The following ZP3 variants were observed in gnomAD, a reference collection of about 807,000 sequenced individuals.
ZP3 encodes the protein zona pellucida sperm-binding protein 3.
Under a neutral mutation model 35.6 loss-of-function variants are expected in ZP3, and 21 were observed. That is an observed-to-expected ratio of 0.59 (90% CI 0.42 to 0.85). The LOEUF is 0.85. Among genes scored for constraint, ZP3 ranks in the 40% least tolerant of loss-of-function variants. The pLI is 0.00. For synonymous variants in ZP3, 207 were observed against 214.5 expected (o/e 0.96, Z 0.31); for missense variants, 437 against 536.5 (o/e 0.81, Z 1.83).
intron 5 of ZP3, among the ~76,000 whole-genome samples, chr7:76,437,508 G>T (rs1268652294): frequency 2.7e-5 from 4 of 146,098 alleles, no homozygotes; most frequent in African/African-American, 2.5e-5. Flanking sequence ...GGGGGGAAAT[G>T]GAGTGTCACT....
intron 1 of ZP3, chr7:76,400,584 CCTCAGCTCTGTGAAGAGGGT>C: frequency 6.8e-7 from 1 of 1,472,152 alleles, no homozygotes. Flanking sequence ...CCCCCACCAG[CCTCAGCTCTGTGAAGAGGGT>C]GGAGCTGGCA....
At chr7:76,419,322 C>A (rs1805450272) in intron 1 of ZP3, among the ~76,000 whole-genome samples, 1 of 152,122 alleles carries the variant, frequency 6.6e-6, no homozygotes, top group Admixed American at 6.6e-5. Flanking sequence ...TTGTTCTTTC[C>A]CATTCAGATC....
chr7:76,437,217 C>A (rs1232098885), intron 5 of ZP3, among the ~76,000 whole-genome samples: 102 of 143,726 alleles, frequency 7.1e-4, no homozygotes, highest in Non-Finnish European at 1.1e-3. Flanking sequence ...GCTCTGTCAC[C>A]CAGGCTGGAA....
intron 1 of ZP3, chr7:76,400,403 T>C: frequency 6.2e-7 from 1 of 1,601,594 alleles, no homozygotes; most frequent in Non-Finnish European, 8.5e-7. Context: ...TCCAGCAGGA[T>C]GGGGCCTCGG....
intron 1 of ZP3, among the ~76,000 whole-genome samples, chr7:76,427,972 C>A (rs1246035816): frequency 2.6e-5 from 4 of 151,998 alleles, no homozygotes; most frequent in Admixed American, 6.6e-5. Context: ...CTGCACCCAG[C>A]CCTCAAGTAG....
upstream of ZP3, among the ~76,000 whole-genome samples, chr7:76,423,200 G>GGAGAGAGAGGGAAAGAGA (rs1308406056): frequency 9.0e-4 from 132 of 146,632 alleles, 1 homozygote; most frequent in Middle Eastern, 3.6e-3. Context: ...AAAGAGAGAG[G>GGAGAGAGAGGGAAAGAGA]GAGAGAGAGG....
intron 1 of ZP3, chr7:76,404,170 A>T: frequency 7.7e-7 from 1 of 1,293,920 alleles, no homozygotes; most frequent in South Asian, 1.7e-5. Flanking sequence ...TCTTTTGTCA[A>T]CTCTGGGCAA....
rs200472178 is a variant in ZP3, at chr7:76,433,019, G to T, written c.524G>T (p.Arg175Leu). The T allele has an allele frequency of 6.2e-7, 1 of 1,613,482 alleles. No homozygotes were observed. Among genetic ancestry groups the T allele is most frequent in the African/African-American group, 1.3e-5 (1 of 74,854 alleles). ...FSEEKLTFSLRLMEENWNAEK... is the reference protein window; with the variant it reads ...FSEEKLTFSLLLMEENWNAEK... ...GAGGAGAAGCTGACTTTCTCTCTGCGTCTGATGGAGGGTAAGAGAAGAAGG... is the reference window on the plus strand; with the variant it reads ...GAGGAGAAGCTGACTTTCTCTCTGCTTCTGATGGAGGGTAAGAGAAGAAGG... Residue 175 changes from arginine (R) to leucine (L), a missense_variant, in exon 3 of 8, where the codon CGT (arginine) becomes CTT (leucine). Arg to Leu is a moderately radical substitution (Grantham distance 102). Coordinates refer to ENST00000394857, the MANE Select transcript of ZP3 (RefSeq NM_001110354.2).
intron 1 of ZP3, among the ~76,000 whole-genome samples, chr7:76,416,941 C>CAT (rs1805388909): frequency 1.3e-5 from 1 of 77,250 alleles, no homozygotes. Flanking sequence ...CATATGTATA[C>CAT]ATACATATAT....
intron 1 of ZP3, among the ~76,000 whole-genome samples, chr7:76,413,354 A>C (rs1042905349): frequency 4.7e-5 from 7 of 150,348 alleles, no homozygotes; most frequent in African/African-American, 1.7e-4. Context: ...TCTTGGGCTC[A>C]AGCGATCCTT....
At chr7:76,415,845 T>C (rs1805356444) in intron 1 of ZP3, among the ~76,000 whole-genome samples, 1 of 151,618 alleles carries the variant, frequency 6.6e-6, no homozygotes, top group African/African-American at 2.4e-5. Flanking sequence ...AAAAGCAGGC[T>C]AGGGCTAGCC....
chr7:76,420,695 A>G (rs1291001287), upstream of ZP3, among the ~76,000 whole-genome samples: 1 of 152,076 alleles, frequency 6.6e-6, no homozygotes, highest in East Asian at 1.9e-4. Flanking sequence ...TCTGACACAG[A>G]GAGTTTTTTA....
At chr7:76,423,025 GAGAAAGAA>G (rs200948956), upstream of ZP3, among the ~76,000 whole-genome samples, 717 of 75,686 alleles carry the variant, frequency 9.5e-3, 12 homozygotes, top group East Asian at 0.033. Flanking sequence ...GAGAGAGAGA[GAGAAAGAA>G]AGAAAGAAAG....
At chr7:76,417,923 GCTTT>G (rs1157756547) in intron 1 of ZP3, among the ~76,000 whole-genome samples, 113 of 148,298 alleles carry the variant, frequency 7.6e-4, no homozygotes, top group African/African-American at 1.2e-3. Context: ...CTTTAATAGT[GCTTT>G]CTTTCTTTCT....
Position 76,425,195 on chromosome 7 carries a change from C to T in ZP3, c.231C>T (p.Ala77=), listed in dbSNP as rs1191148855. 1.2e-6 allele frequency: 2 copies of T among 1,613,974 alleles called. No individual in the cohort carries two copies. The highest frequency in any genetic ancestry group is 1.7e-5 in the Admixed American group (1 of 60,002). ...CTGACCTCACCTTGGGCCCAGAGGCCTGTGAGCCTCTGGTCTCCATGGACA... is the reference window on the plus strand; with the variant it reads ...CTGACCTCACCTTGGGCCCAGAGGCTTGTGAGCCTCTGGTCTCCATGGACA... ...RAADLTLGPE[A]CEPLVSMDTE... The change falls in exon 1 of 8, where the codon GCC becomes GCT. Residue 77 remains alanine (A), a synonymous_variant. Transcript: ENST00000394857.
In ZP3 at chr7:76,405,629, C is replaced by T. The variant is rs73361566; in HGVS notation, c.-67+7832C>T. On this transcript the variant is annotated intron_variant, in intron 1 of 8. Coordinates refer to the ZP3 transcript ENST00000336517. ...GTTTACTTCCTAGAGGGGTCAGCTT[C>T]AGGGGAAAATGACATTTCCACTTGC... is the stretch of plus-strand genomic sequence containing the variant. Among the ~76,000 whole-genome samples the T allele has an allele frequency of 7.6e-3, 1,154 of 152,086 alleles. 18 individuals are homozygous for T. Among genetic ancestry groups the T allele is most frequent in the African/African-American group, 0.027 (1,109 of 41,484 alleles).
intron 1 of ZP3, chr7:76,401,033 T>C (rs1408651347): frequency 6.5e-7 from 1 of 1,549,104 alleles, no homozygotes; most frequent in Non-Finnish European, 8.7e-7. Flanking sequence ...GAGTGGGCTG[T>C]AGGGCGCTGG....
At chr7:76,409,123 G>A (rs1484835911) in intron 1 of ZP3, among the ~76,000 whole-genome samples, 1 of 152,050 alleles carries the variant, frequency 6.6e-6, no homozygotes, top group African/African-American at 2.4e-5. Flanking sequence ...GACCCTTGAG[G>A]GTGGAAACCA....
chr7:76,426,048 A>T (rs898718605), intron 1 of ZP3, among the ~76,000 whole-genome samples: 32 of 149,546 alleles, frequency 2.1e-4, no homozygotes, highest in South Asian at 4.2e-4. Flanking sequence ...GTGCCACTGC[A>T]CTCCAGCCTA....
Sources: gnomAD v4.1 joint callset for allele counts (sites outside exome capture counted in the v4.1 genomes callset) on GRCh38, gnomAD v4.1.1 for gene constraint, MANE v1.5 for transcripts, NCBI Gene and HGNC (gene_info 2026-07-23, HGNC 2026-07-21) for gene names.